BFAR: variants seen among roughly 807,000 people sequenced by gnomAD.
BFAR encodes bifunctional apoptosis regulator, also known as RING finger protein 47.
A neutral mutation model predicts 54.4 loss-of-function variants in BFAR; 52 were observed. The observed-to-expected ratio is 0.96, with a 90% CI of 0.77 to 1.21. The LOEUF (loss-of-function observed/expected upper bound fraction) is 1.21, where lower values mean the gene tolerates loss of function less well. Among genes scored for constraint, BFAR ranks in the 50% most tolerant of loss-of-function variants. BFAR has a pLI of 0.00. For missense variants in BFAR, 571 were observed against 534.0 expected (o/e 1.07, Z -0.68); for synonymous variants, 215 against 204.3 (o/e 1.05, Z -0.45).
At chr16:14,655,243 CTTTTTA>C (rs760346963) in intron 5 of BFAR, 33 bp downstream of exon 5, 75 of 939,514 alleles carry the variant, frequency 8.0e-5, no homozygotes, top group Non-Finnish European at 1.0e-4. Context: ...TTTTTTTTTA[CTTTTTA>C]TTTTTATTTT....
chr16:14,641,430 A>G (rs1376036214), intron 1 of BFAR, among the ~76,000 whole-genome samples: 1 of 152,106 alleles, frequency 6.6e-6, no homozygotes, highest in Non-Finnish European at 1.5e-5. Context: ...TAATTAGTTA[A>G]TAATTAATAA....
chr16:14,667,840 A>G lies in BFAR; in HGVS notation c.*13A>G, dbSNP rs761097318. 7 of 1,611,178 alleles carry G rather than the reference A, an allele frequency of 4.3e-6. No individual in the cohort carries two copies. The highest frequency in any genetic ancestry group is 1.7e-4 in the Middle Eastern group (1 of 6,054). ...CCAGGTGTTGTGACTGGCACTGCCC[A>G]GGCTGAGACTCTTCAAGTCCCGCTG... On this transcript the variant is annotated 3_prime_UTR_variant, in exon 8 of 8. Coordinates refer to ENST00000261658, the MANE Select transcript of BFAR (RefSeq NM_016561.3).
At chr16:14,657,279 C>T (rs917414054) in intron 5 of BFAR, among the ~76,000 whole-genome samples, 1 of 151,710 alleles carries the variant, frequency 6.6e-6, no homozygotes, top group African/African-American at 2.4e-5. Context: ...GAGGGTGTCT[C>T]GCTCTGTCGC....
intron 4 of BFAR, chr16:14,650,296 C>G (rs1959932588): frequency 4.8e-6 from 1 of 209,982 alleles, no homozygotes; most frequent in South Asian, 1.8e-4. Flanking sequence ...TGCCACTGCA[C>G]TCCAGCCTAG....
chr16:14,653,786 C>G (rs1960042424), intron 4 of BFAR, among the ~76,000 whole-genome samples: 1 of 152,132 alleles, frequency 6.6e-6, no homozygotes. Flanking sequence ...TAGCTCACTA[C>G]AGCCTCAAAG....
intron 1 of BFAR, among the ~76,000 whole-genome samples, chr16:14,640,509 T>C (rs112460985): frequency 4.2e-4 from 64 of 152,272 alleles, no homozygotes; most frequent in African/African-American, 1.4e-3. Context: ...TTATGTCATA[T>C]CAGATTTTTT....
chr16:14,664,458 G>C (rs1960382142), intron 6 of BFAR, among the ~76,000 whole-genome samples: 1 of 151,494 alleles, frequency 6.6e-6, no homozygotes, highest in South Asian at 2.1e-4. Context: ...TAGATTGTTG[G>C]ATGTGTGTGT....
intron 5 of BFAR, among the ~76,000 whole-genome samples, chr16:14,658,091 G>A (rs1210753029): frequency 6.6e-6 from 1 of 152,110 alleles, no homozygotes; most frequent in Admixed American, 6.6e-5. Context: ...CAAGAGTTGA[G>A]CAGAGGTTTA....
chr16:14,663,627 G>A (rs1288936225), intron 6 of BFAR, among the ~76,000 whole-genome samples: 1 of 152,068 alleles, frequency 6.6e-6, no homozygotes, highest in Non-Finnish European at 1.5e-5. Flanking sequence ...CACTGTACCT[G>A]GCCATCATCA....
In BFAR at chr16:14,648,489, A is replaced by G. The variant is rs776595784; in HGVS notation, c.365A>G (p.Tyr122Cys). 6.2e-6 allele frequency: 10 copies of G among 1,613,868 alleles called. No homozygotes were observed. The Admixed American group carries it at 1.5e-4, about 24-fold the overall frequency. The change falls in exon 3 of 8, where the codon TAT (tyrosine) becomes TGT (cysteine). Residue 122 changes from tyrosine to cysteine, a missense_variant. Tyr to Cys is a radical substitution (Grantham distance 194). Coordinates refer to ENST00000261658, the MANE Select transcript of BFAR (RefSeq NM_016561.3). ...IVQSLAAFQK[Y>C]GNDQIPLAPN... ...CAAAGTCTTGCAGCCTTTCAGAAAT[A>G]TGGGAATGATCAGATTCCTTTAGCT...
chr16:14,643,158 C>A (rs934574192), intron 1 of BFAR, among the ~76,000 whole-genome samples: 2 of 152,122 alleles, frequency 1.3e-5, no homozygotes, highest in Admixed American at 1.3e-4. Context: ...ACTAAAAATA[C>A]AAAAATTAGC....
At chr16:14,667,577 C>G (rs967693113) in intron 7 of BFAR, 58 bp from the exon 8 acceptor site, 1 of 1,500,158 alleles carries the variant, frequency 6.7e-7, no homozygotes, top group East Asian at 2.3e-5. Flanking sequence ...AGGGCCCGGA[C>G]TCCTGGGTGT....
chr16:14,662,112 A>T, intron 6 of BFAR, 47 bp downstream of exon 6: 2 of 1,599,616 alleles, frequency 1.3e-6, no homozygotes, highest in Non-Finnish European at 1.7e-6. Flanking sequence ...CTGTCAAGTT[A>T]TTTGCAGAGA....
chr16:14,655,051 C>T lies in BFAR; in HGVS notation c.639-15C>T, dbSNP rs202096873. ...TATATAATCGCAAAATAAATCTCCT[C>T]CTGCCCCTCTACAGGTTGCTTTTAA... is the stretch of plus-strand genomic sequence containing the variant. On this transcript the variant is annotated splice_polypyrimidine_tract_variant and intron_variant, in intron 4 of 7. Transcript: ENST00000261658. 2 of 1,590,840 alleles carry T rather than the reference C, an allele frequency of 1.3e-6. No individual in the cohort carries two copies. Among genetic ancestry groups the T allele is most frequent in the Non-Finnish European group, 1.7e-6 (2 of 1,171,786 alleles).
chr16:14,664,736 G>A, intron 6 of BFAR, 133 bp from the exon 7 acceptor site: 1 of 809,338 alleles, frequency 1.2e-6, no homozygotes, highest in Non-Finnish European at 2.1e-6. Flanking sequence ...CTTACCTCAG[G>A]TGATCCGCCC....
intron 4 of BFAR, among the ~76,000 whole-genome samples, chr16:14,653,333 A>C (rs766423373): frequency 6.6e-6 from 1 of 151,842 alleles, no homozygotes; most frequent in Admixed American, 6.6e-5. Flanking sequence ...TTTTAATTTA[A>C]TTTTTATTTT....
At chr16:14,659,156 G>A (rs531516294) in intron 5 of BFAR, among the ~76,000 whole-genome samples, 24 of 152,104 alleles carry the variant, frequency 1.6e-4, no homozygotes, top group African/African-American at 4.1e-4. Context: ...TGATCCACCC[G>A]CCTCAGCCTC....
chr16:14,635,092 T>A (rs1567481625), intron 1 of BFAR, among the ~76,000 whole-genome samples: 1 of 152,164 alleles, frequency 6.6e-6, no homozygotes, highest in Admixed American at 6.5e-5. Flanking sequence ...CCCTGCACTT[T>A]GGGATGCCAA....
chr16:14,659,842 C>G (rs142187971), intron 5 of BFAR, among the ~76,000 whole-genome samples: 7 of 151,966 alleles, frequency 4.6e-5, no homozygotes. Context: ...TGAGCCACCA[C>G]GCCCGGTCTC....
Sources: gnomAD v4.1 joint callset for allele counts (sites outside exome capture counted in the v4.1 genomes callset) on GRCh38, gnomAD v4.1.1 for gene constraint, MANE v1.5 for transcripts, NCBI Gene and HGNC (gene_info 2026-07-23, HGNC 2026-07-21) for gene names.